The following WDR76 variants were observed in gnomAD, a reference collection of about 807,000 sequenced individuals.
The protein encoded by WDR76 is WD repeat domain 76.
In WDR76, 52 loss-of-function variants were observed where a neutral mutation model predicts 70.2. The ratio of observed to expected loss-of-function variants is 0.74; its 90% CI spans 0.59 to 0.93. The LOEUF is 0.93. Among genes scored for constraint, WDR76 ranks in the 40% least tolerant of loss-of-function variants. The pLI is 0.00. For missense variants in WDR76, 756 were observed against 760.2 expected, an observed-to-expected ratio of 0.99 and a Z score of 0.07; for synonymous variants, 292 against 271.1, an observed-to-expected ratio of 1.08 and a Z score of -0.76.
chr15:43,836,271 T>A, intron 4 of WDR76, 55 bp downstream of exon 4: 5 of 1,545,448 alleles, frequency 3.2e-6, no homozygotes, highest in Admixed American at 1.9e-5. Flanking sequence ...AACTGTTTTA[T>A]AATTTGAAAA....
At chr15:43,857,265 ATTAC>A (rs1223406614) in intron 10 of WDR76, 102 bp downstream of exon 10, 2 of 1,225,770 alleles carry the variant, frequency 1.6e-6, no homozygotes, top group Non-Finnish European at 2.2e-6. Context: ...TACAAAAGGT[ATTAC>A]TTTTGTAATA....
intron 2 of WDR76, among the ~76,000 whole-genome samples, chr15:43,830,879 TCTC>T (rs2087578973): frequency 6.6e-6 from 1 of 151,990 alleles, no homozygotes. Context: ...AAAGCCTGTC[TCTC>T]CTAAATATAA....
At chr15:43,834,323 G>T (rs928649204) in intron 2 of WDR76, among the ~76,000 whole-genome samples, 1 of 144,650 alleles carries the variant, frequency 6.9e-6, no homozygotes, top group African/African-American at 2.6e-5. Flanking sequence ...TTTTTGAGAC[G>T]GAGTTTCGCT....
At chr15:43,842,980 A>G (rs1018086326) in intron 7 of WDR76, among the ~76,000 whole-genome samples, 2 of 147,358 alleles carry the variant, frequency 1.4e-5, no homozygotes, top group African/African-American at 2.5e-5. Flanking sequence ...GTTGTAATGT[A>G]TATACAATTT....
At chr15:43,838,768 G>A (rs2087688074) in intron 4 of WDR76, among the ~76,000 whole-genome samples, 2 of 151,990 alleles carry the variant, frequency 1.3e-5, no homozygotes, top group African/African-American at 4.8e-5. Context: ...GAAAAGTGCT[G>A]CTCCAAACAT....
chr15:43,844,966 G>C (rs1389079154), intron 8 of WDR76, among the ~76,000 whole-genome samples: 7 of 116,984 alleles, frequency 6.0e-5, no homozygotes, highest in African/African-American at 2.1e-4. Context: ...TCAAAGTTTA[G>C]TTTTCTTTTT....
chr15:43,829,515 T>TC (rs1363825821), intron 2 of WDR76, among the ~76,000 whole-genome samples: 1 of 143,578 alleles, frequency 7.0e-6, no homozygotes, highest in African/African-American at 2.6e-5. Context: ...TTTTTTTTTT[T>TC]TTTTTTTTTT....
intron 2 of WDR76, among the ~76,000 whole-genome samples, chr15:43,834,128 A>C (rs908283860): frequency 6.6e-6 from 1 of 151,492 alleles, no homozygotes; most frequent in Non-Finnish European, 1.5e-5. Context: ...TTATTTTTTG[A>C]ATTTTCTTTT....
At chr15:43,837,098 A>T (rs1283923787) in intron 4 of WDR76, among the ~76,000 whole-genome samples, 1 of 152,086 alleles carries the variant, frequency 6.6e-6, no homozygotes, top group African/African-American at 2.4e-5. Context: ...AACAGCTTAT[A>T]AGTGGTAGCT....
At chr15:43,843,870 C>T in intron 7 of WDR76, 31 bp from the exon 8 acceptor site, 1 of 1,520,758 alleles carries the variant, frequency 6.6e-7, no homozygotes, top group Non-Finnish European at 8.8e-7. Flanking sequence ...ATTGGTTTTA[C>T]TTACAAAATT....
At chr15:43,857,364 T>A in intron 10 of WDR76, 1 of 777,432 alleles carries the variant, frequency 1.3e-6, no homozygotes, top group Non-Finnish European at 1.6e-6. Flanking sequence ...TTAGATTTGA[T>A]AAATAGTGAA....
intron 9 of WDR76, among the ~76,000 whole-genome samples, chr15:43,854,502 T>C (rs1187515739): frequency 6.6e-6 from 1 of 151,808 alleles, no homozygotes; most frequent in Admixed American, 6.6e-5. Flanking sequence ...CCTGGAAGGG[T>C]GAGGCTCCAG....
At chr15:43,835,915 C>G (rs2087649883) in intron 3 of WDR76, among the ~76,000 whole-genome samples, 1 of 151,566 alleles carries the variant, frequency 6.6e-6, no homozygotes, top group South Asian at 2.1e-4. Context: ...CCTTGACCTC[C>G]CAAAGTGCTG....
At chr15:43,852,398 G>A (rs1380057877) in intron 9 of WDR76, among the ~76,000 whole-genome samples, 4 of 150,904 alleles carry the variant, frequency 2.7e-5, no homozygotes, top group African/African-American at 9.8e-5. Context: ...TAGAGATGGA[G>A]TCTCACTCTG....
chr15:43,827,147 G>C, intron 1 of WDR76, 55 bp downstream of exon 1: 1 of 1,612,856 alleles, frequency 6.2e-7, no homozygotes. Flanking sequence ...TTTTGTGAGG[G>C]TTATGCGGGA....
chr15:43,830,181 A>T (rs951031691), intron 2 of WDR76, among the ~76,000 whole-genome samples: 1 of 151,932 alleles, frequency 6.6e-6, no homozygotes, highest in Non-Finnish European at 1.5e-5. Context: ...TTGCATATTT[A>T]ACAGTTTCCT....
chr15:43,841,063 C>T (rs1311450604), intron 5 of WDR76, among the ~76,000 whole-genome samples: 1 of 151,644 alleles, frequency 6.6e-6, no homozygotes, highest in Non-Finnish European at 1.5e-5. Context: ...CTCTGTCACC[C>T]AGGCTGGAGT....
intron 4 of WDR76, among the ~76,000 whole-genome samples, chr15:43,838,419 C>T (rs921507683): frequency 6.6e-6 from 1 of 152,090 alleles, no homozygotes; most frequent in Non-Finnish European, 1.5e-5. Context: ...CTCTGGACCT[C>T]AAGTGATCCA....
At chr15:43,828,954 G>A (rs2087553050) in intron 2 of WDR76, among the ~76,000 whole-genome samples, 1 of 150,506 alleles carries the variant, frequency 6.6e-6, no homozygotes, top group African/African-American at 2.5e-5. Context: ...CCAGGCCAGA[G>A]TGCAGTGACG....
Sources: allele counts gnomAD v4.1 joint callset (sites outside exome capture counted in the v4.1 genomes callset), GRCh38; gene constraint gnomAD v4.1.1; transcripts MANE v1.5; gene names NCBI Gene and HGNC (gene_info 2026-07-23, HGNC 2026-07-21).